Variants in OR10J1 observed in about 807,000 individuals in gnomAD.
OR10J1 encodes the protein olfactory receptor 10J1.
For missense variants in OR10J1, 474 were observed against 376.6 expected, an observed-to-expected ratio of 1.26 and a Z score of -2.14; for synonymous variants, 202 against 143.8, an observed-to-expected ratio of 1.40 and a Z score of -2.89.
At chr1:159,414,694 A>C in the OR10J1 span, among the ~76,000 whole-genome samples, 1 of 152,098 alleles carries the variant, frequency 6.6e-6, no homozygotes, top group African/African-American at 2.4e-5. Flanking sequence ...GTACTAATTT[A>C]CGTTCCCACC....
At chr1:159,423,107 C>T in the OR10J1 span, among the ~76,000 whole-genome samples, 23 of 152,036 alleles carry the variant, frequency 1.5e-4, no homozygotes, top group African/African-American at 4.6e-4. Flanking sequence ...TTTTCAAAAC[C>T]GAAAATACAT....
At chr1:159,426,749 TA>T in the OR10J1 span, among the ~76,000 whole-genome samples, 1 of 151,856 alleles carries the variant, frequency 6.6e-6, no homozygotes. Context: ...ATTATGTAAA[TA>T]TTTTTTTCAT....
the OR10J1 span, among the ~76,000 whole-genome samples, chr1:159,412,864 G>T: frequency 6.6e-6 from 1 of 151,608 alleles, no homozygotes; most frequent in Non-Finnish European, 1.5e-5. Context: ...AAGAGCTTCT[G>T]CACAGCAAAA....
At chr1:159,418,262 G>C in the OR10J1 span, among the ~76,000 whole-genome samples, 4 of 152,274 alleles carry the variant, frequency 2.6e-5, no homozygotes, top group African/African-American at 9.6e-5. Context: ...ATGTCTCCAG[G>C]ACATGTTAGA....
chr1:159,420,868 G>A, the OR10J1 span, among the ~76,000 whole-genome samples: 22 of 152,122 alleles, frequency 1.4e-4, no homozygotes, highest in African/African-American at 3.4e-4. Context: ...TGAGTACAAC[G>A]TGCCATGGAG....
chr1:159,408,636 T>C, the OR10J1 span, among the ~76,000 whole-genome samples: 2 of 151,266 alleles, frequency 1.3e-5, no homozygotes, highest in Non-Finnish European at 3.0e-5. Flanking sequence ...AAAGAAGGCC[T>C]GGTGATAAAT....
chr1:159,433,845 A>G (rs1015152545), upstream of OR10J1, among the ~76,000 whole-genome samples: 2 of 152,180 alleles, frequency 1.3e-5, no homozygotes, highest in South Asian at 2.1e-4. Context: ...TTGCATGTAG[A>G]ACAGTGTCTG....
chr1:159,402,189 G>T, the OR10J1 span, among the ~76,000 whole-genome samples: 1 of 151,968 alleles, frequency 6.6e-6, no homozygotes, highest in Non-Finnish European at 1.5e-5. Context: ...TTTCCTGTAA[G>T]ATCTGCAACA....
At chr1:159,427,388 A>G in the OR10J1 span, among the ~76,000 whole-genome samples, 827 of 151,978 alleles carry the variant, frequency 5.4e-3, 10 homozygotes, top group African/African-American at 0.019. Flanking sequence ...GAAGAGATTA[A>G]TTAGAAATGA....
chr1:159,436,817 C>G (rs1017397333), upstream of OR10J1, among the ~76,000 whole-genome samples: 2 of 152,078 alleles, frequency 1.3e-5, no homozygotes, highest in Non-Finnish European at 2.9e-5. Context: ...CTCACTTTAC[C>G]TATACAATGT....
chr1:159,406,216 C>A, the OR10J1 span: 7 of 525,218 alleles, frequency 1.3e-5, no homozygotes, highest in African/African-American at 2.0e-5. Context: ...AATGTCCAGG[C>A]GAGTAATGGT....
chr1:159,434,385 T>G (rs1278022768), upstream of OR10J1, among the ~76,000 whole-genome samples: 1 of 152,200 alleles, frequency 6.6e-6, no homozygotes. Flanking sequence ...TATCTTGGAC[T>G]TTGGAATCAG....
the OR10J1 span, among the ~76,000 whole-genome samples, chr1:159,418,942 G>A: frequency 6.6e-6 from 1 of 152,200 alleles, no homozygotes; most frequent in Admixed American, 6.5e-5. Flanking sequence ...AGATTTGACT[G>A]CCCCATGGGA....
chr1:159,397,504 C>G, the OR10J1 span, among the ~76,000 whole-genome samples: 1 of 152,038 alleles, frequency 6.6e-6, no homozygotes, highest in Non-Finnish European at 1.5e-5. Context: ...CTGCCCTGGG[C>G]CAGAGGGGAG....
chr1:159,439,940 G>T lies in OR10J1; in HGVS notation c.149G>T (p.Arg50Leu). Residue 50 changes from arginine (R) to leucine (L), a missense_variant, in exon 1 of 1, where the codon CGA (arginine) becomes CTA (leucine). Physicochemically the swap from Arg to Leu is moderately radical, Grantham distance 102 (BLOSUM62 -2). Transcript: ENST00000423932. ...AATATCATCATTGTGACCATCATCC[G>T]AATGGATCTTCATCTTCACACACCC... ...AGNIIIVTII[R>L]MDLHLHTPMY... is the part of the protein sequence containing the mutation. 4 of 1,613,994 alleles carry T rather than the reference G, an allele frequency of 2.5e-6. No individual in the cohort carries two copies. Among genetic ancestry groups the T allele is most frequent in the Non-Finnish European group, 2.5e-6 (3 of 1,179,976 alleles).
At chr1:159,418,325 G>T in the OR10J1 span, among the ~76,000 whole-genome samples, 1 of 152,096 alleles carries the variant, frequency 6.6e-6, no homozygotes, top group Admixed American at 6.6e-5. Flanking sequence ...GGAGGAAAAA[G>T]GGGTTTCCTG....
At chr1:159,438,264 C>G (rs541294466), upstream of OR10J1, among the ~76,000 whole-genome samples, 1 of 152,312 alleles carries the variant, frequency 6.6e-6, no homozygotes, top group East Asian at 1.9e-4. Context: ...AGACAAGTTT[C>G]AGCCAGATAA....
At chr1:159,413,651 G>T in the OR10J1 span, among the ~76,000 whole-genome samples, 1 of 146,190 alleles carries the variant, frequency 6.8e-6, no homozygotes, top group African/African-American at 2.5e-5. Flanking sequence ...AGAACACATG[G>T]ACACAGGAAG....
Position 159,440,290 on chromosome 1 carries a change from C to T in OR10J1, c.499C>T (p.Pro167Ser). Reference protein sequence around the residue: ...ITQVTSVFRLPFCARKVPHFF... With the variant: ...ITQVTSVFRLSFCARKVPHFF... ...GCAAGTGACATCTGTATTCAGGTTACCCTTCTGTGCTAGAAAGGTGCCCCA... is the reference window on the plus strand; with the variant it reads ...GCAAGTGACATCTGTATTCAGGTTATCCTTCTGTGCTAGAAAGGTGCCCCA... The change falls in exon 1 of 1, where the codon CCC (proline) becomes TCC (serine). Residue 167 changes from proline (P) to serine (S), a missense_variant. Pro to Ser is a moderately conservative substitution (Grantham distance 74, BLOSUM62 -1). Coordinates refer to ENST00000423932, the MANE Select transcript of OR10J1 (RefSeq NM_012351.3). 1 of 1,614,146 alleles carries T rather than the reference C, an allele frequency of 6.2e-7. No individual in the cohort carries two copies. Among genetic ancestry groups the T allele is most frequent in the South Asian group, 1.1e-5 (1 of 91,084 alleles).
Sources: gnomAD v4.1 joint callset for allele counts (sites outside exome capture counted in the v4.1 genomes callset) on GRCh38, gnomAD v4.1.1 for gene constraint, MANE v1.5 for transcripts, NCBI Gene and HGNC (gene_info 2026-07-23, HGNC 2026-07-21) for gene names.